The following FER variants were observed in gnomAD, a reference collection of about 807,000 sequenced individuals.
The protein encoded by FER is tyrosine-protein kinase Fer.
FER carries 63 observed loss-of-function variants against 111.0 expected under a neutral mutation model. The ratio of observed to expected loss-of-function variants is 0.57; its 90% CI spans 0.46 to 0.70. The LOEUF is 0.70. Among genes scored for constraint, FER ranks in the 30% least tolerant of loss-of-function variants. FER has a pLI of 0.00. For missense variants in FER, 914 were observed against 954.0 expected (o/e 0.96, Z 0.55); for synonymous variants, 327 against 313.9 (o/e 1.04, Z -0.44).
intron 17 of FER, among the ~76,000 whole-genome samples, chr5:109,118,497 G>GT (rs1251568622): frequency 6.6e-6 from 1 of 152,106 alleles, no homozygotes; most frequent in Non-Finnish European, 1.5e-5. Context: ...CCAGGCTTTG[G>GT]TATCAGGATG....
At chr5:109,060,864 C>T (rs984592011) in intron 16 of FER, among the ~76,000 whole-genome samples, 1 of 151,310 alleles carries the variant, frequency 6.6e-6, no homozygotes, top group Non-Finnish European at 1.5e-5. Context: ...TGTGTTTGTG[C>T]TCATCATCAT....
intron 17 of FER, among the ~76,000 whole-genome samples, chr5:109,177,166 G>A (rs566160293): frequency 4.7e-4 from 71 of 152,238 alleles, no homozygotes; most frequent in Non-Finnish European, 9.0e-4. Flanking sequence ...TTTAACTACT[G>A]TAATGTCCCC....
chr5:109,149,863 T>G (rs1754629571), intron 17 of FER, among the ~76,000 whole-genome samples: 1 of 152,130 alleles, frequency 6.6e-6, no homozygotes. Flanking sequence ...GTTCCTCGCC[T>G]GTTAGAAACT....
At chr5:109,012,495 C>T (rs575803939) in intron 13 of FER, among the ~76,000 whole-genome samples, 50 of 152,286 alleles carry the variant, frequency 3.3e-4, no homozygotes, top group African/African-American at 1.0e-3. Context: ...TCTTGCCTCC[C>T]TCCCACTTTT....
At chr5:108,916,850 A>G (rs745973792) in intron 10 of FER, among the ~76,000 whole-genome samples, 1 of 152,188 alleles carries the variant, frequency 6.6e-6, no homozygotes, top group Non-Finnish European at 1.5e-5. Flanking sequence ...TAATAGAATC[A>G]TATAGACTTT....
At chr5:108,936,097 A>G (rs1212275049) in intron 10 of FER, among the ~76,000 whole-genome samples, 1 of 151,994 alleles carries the variant, frequency 6.6e-6, no homozygotes, top group Non-Finnish European at 1.5e-5. Context: ...TGACCACATG[A>G]CGTTCAGCAA....
intron 17 of FER, among the ~76,000 whole-genome samples, chr5:109,143,463 A>C (rs147643089): frequency 3.3e-5 from 5 of 152,206 alleles, no homozygotes; most frequent in African/African-American, 7.2e-5. Context: ...CCTGTTTTTC[A>C]TGTCAGACCT....
At chr5:108,900,906 G>C in intron 10 of FER, among the ~76,000 whole-genome samples, 1 of 152,138 alleles carries the variant, frequency 6.6e-6, no homozygotes, top group East Asian at 1.9e-4. Context: ...CATTGTTACA[G>C]TTTAAACGTT....
intron 13 of FER, among the ~76,000 whole-genome samples, chr5:109,011,096 A>C (rs1020278365): frequency 5.9e-5 from 9 of 152,188 alleles, no homozygotes; most frequent in Non-Finnish European, 1.3e-4. Context: ...ACATTTAAAA[A>C]ACATTTTAAG....
chr5:108,925,323 C>A (rs1753584687), intron 10 of FER, among the ~76,000 whole-genome samples: 1 of 151,838 alleles, frequency 6.6e-6, no homozygotes, highest in Non-Finnish European at 1.5e-5. Flanking sequence ...TAGTTGGTGA[C>A]CATAACTGGT....
chr5:109,061,120 A>G (rs149296065), intron 16 of FER, among the ~76,000 whole-genome samples: 176 of 152,238 alleles, frequency 1.2e-3, no homozygotes, highest in African/African-American at 4.0e-3. Flanking sequence ...TAGCCTTTAT[A>G]CGTGTCATTT....
At chr5:108,768,581 C>G (rs1752568896) in intron 2 of FER, among the ~76,000 whole-genome samples, 1 of 152,128 alleles carries the variant, frequency 6.6e-6, no homozygotes, top group South Asian at 2.1e-4. Flanking sequence ...AATACTTGCA[C>G]TTTGTTCTGA....
chr5:108,788,114 C>G (rs989667425), intron 2 of FER, among the ~76,000 whole-genome samples: 1 of 152,156 alleles, frequency 6.6e-6, no homozygotes, highest in Admixed American at 6.5e-5. Flanking sequence ...GCTGTAACAC[C>G]CTTTTTGGGA....
intron 17 of FER, among the ~76,000 whole-genome samples, chr5:109,152,557 G>T (rs1754960906): frequency 6.6e-6 from 1 of 151,932 alleles, no homozygotes; most frequent in South Asian, 2.1e-4. Context: ...TATGATTGCT[G>T]TCAGGAAAAA....
At chr5:109,072,224 A>G (rs1775850521) in intron 16 of FER, among the ~76,000 whole-genome samples, 2 of 151,516 alleles carry the variant, frequency 1.3e-5, no homozygotes, top group African/African-American at 2.4e-5. Flanking sequence ...AATTAAAAAC[A>G]TGACAGAAAA....
intron 16 of FER, among the ~76,000 whole-genome samples, chr5:109,089,172 G>A (rs1777886744): frequency 6.6e-6 from 1 of 152,162 alleles, no homozygotes; most frequent in Admixed American, 6.5e-5. Flanking sequence ...GTATGTATTT[G>A]TCTATAAATG....
At chr5:108,767,328 A>T (rs540238708) in intron 1 of FER, among the ~76,000 whole-genome samples, 1 of 152,184 alleles carries the variant, frequency 6.6e-6, no homozygotes, top group Non-Finnish European at 1.5e-5. Context: ...CAAATAAATA[A>T]ATAAAACATA....
At chr5:108,878,195 A>G (rs1398209719) in intron 8 of FER, among the ~76,000 whole-genome samples, 2 of 152,070 alleles carry the variant, frequency 1.3e-5, no homozygotes, top group African/African-American at 4.8e-5. Context: ...TCGGGAGCCA[A>G]CATGCTGGGC....
chr5:108,759,011 T>A (rs1751424584), intron 1 of FER, among the ~76,000 whole-genome samples: 1 of 152,214 alleles, frequency 6.6e-6, no homozygotes, highest in Non-Finnish European at 1.5e-5. Flanking sequence ...AAGAGATTTG[T>A]TTAAGTACTG....
Sources: allele counts gnomAD v4.1 joint callset (sites outside exome capture counted in the v4.1 genomes callset), GRCh38; gene constraint gnomAD v4.1.1; transcripts MANE v1.5; gene names NCBI Gene and HGNC (gene_info 2026-07-23, HGNC 2026-07-21).